Variants in CHRNA7 observed in about 807,000 individuals in gnomAD.
CHRNA7 encodes cholinergic receptor nicotinic alpha 7 subunit.
In CHRNA7, 17 loss-of-function variants were observed where a neutral mutation model predicts 48.0. The ratio of observed to expected loss-of-function variants is 0.35; its 90% confidence interval spans 0.24 to 0.53. The LOEUF is 0.53. Ranked by LOEUF, CHRNA7 falls within the 20% of genes least tolerant of loss-of-function variation. The probability of loss-of-function intolerance (pLI) is 0.92; values close to 1 mark genes in which losing one functional copy is unlikely to be tolerated. For synonymous variants in CHRNA7, 75 were observed against 242.3 expected (o/e 0.31, Z 6.41); for missense variants, 155 against 577.7 (o/e 0.27, Z 7.50).
At chr15:32,101,445 G>C in intron 3 of CHRNA7, 98 bp downstream of exon 3, 1 of 1,342,216 alleles carries the variant, frequency 7.5e-7, no homozygotes, top group Non-Finnish European at 1.0e-6. Context: ...GAGAGGTCCT[G>C]TTTAGGAAAA....
intron 4 of CHRNA7, among the ~76,000 whole-genome samples, chr15:32,148,064 C>G (rs560493728): frequency 6.6e-6 from 1 of 152,340 alleles, no homozygotes; most frequent in East Asian, 1.9e-4. Context: ...TTGCCCTTCT[C>G]TCTCTCAGTC....
rs114452978 is a variant in CHRNA7, at chr15:32,076,041, T to C, written c.196-25262T>C. Among the ~76,000 whole-genome samples the C allele has an allele frequency of 3.9e-3, 594 of 152,314 alleles. 3 individuals carry two copies. Among genetic ancestry groups the C allele is most frequent in the African/African-American group, 0.014 (566 of 41,584 alleles). Reference sequence around the variant, plus strand: ...GTTAATTTGATTCCAAATTATACTTTGTGTTATTTCAGTTATTCTACATTT... The same window carrying C: ...GTTAATTTGATTCCAAATTATACTTCGTGTTATTTCAGTTATTCTACATTT... On this transcript the variant is annotated intron_variant, in intron 2 of 9. Coordinates refer to ENST00000306901, the MANE Select transcript of CHRNA7 (RefSeq NM_000746.6).
chr15:32,163,316 G>A lies in CHRNA7; in HGVS notation c.971G>A (p.Gly324Glu), dbSNP rs780324480. The change falls in exon 9 of 10, where the codon GGG becomes GAG. Residue 324 changes from glycine to glutamate, a missense_variant. Gly to Glu is a moderately conservative substitution (Grantham distance 98). Transcript: ENST00000306901. Reference protein sequence around the residue: ...VLQYHHHDPDGGKMPKWTRVI... With the variant: ...VLQYHHHDPDEGKMPKWTRVI... ...CAGTACCACCACCACGACCCCGACG[G>A]GGGCAAGATGCCCAAGTGGGTACGT... The A allele has an allele frequency of 3.8e-6, 3 of 780,682 alleles. 1 individual carries two copies. The Admixed American group carries it at 7.5e-5, about 19-fold the overall frequency. The allele number at this position is 780,682 out of a possible 1,614,324, so 48.4% of individuals were successfully genotyped here. A position where few individuals can be genotyped will look rare whatever the true frequency, so the allele number is the denominator to read the frequency against.
chr15:32,035,156 C>A (rs534595712), intron 2 of CHRNA7, among the ~76,000 whole-genome samples: 1 of 152,300 alleles, frequency 6.6e-6, no homozygotes, highest in East Asian at 1.9e-4. Flanking sequence ...TAATTTACTT[C>A]CTGGGCTTGT....
Position 32,101,298 on chromosome 15 carries a change from T to C in CHRNA7, c.196-5T>C, listed in dbSNP as rs1361621201. The stretch of plus-strand genomic sequence containing the variant: ...TATGCTGCTGCTTTTTTTTTTTTTT[T>C]GAAGGATGAGAAGAACCAAGTTTTA... On this transcript the variant is annotated splice_region_variant and splice_polypyrimidine_tract_variant and intron_variant, in intron 2 of 9. Transcript: ENST00000306901. The C allele has an allele frequency of 1.3e-6, 2 of 1,587,814 alleles. No homozygotes were observed. The highest frequency in any genetic ancestry group is 2.8e-5 in the African/African-American group (2 of 72,460).
rs1056886126 is a variant in CHRNA7 at position 32,147,243 on chromosome 15, A to G, written c.351-6664A>G. ...ATGGCAACAACAGACACTGGAGACT[A>G]CTGTAGGGGGAAAGGAGAAGGGGGC... On this transcript the variant is annotated intron_variant, in intron 4 of 9. Transcript: ENST00000306901. 1.4e-4 allele frequency among the ~76,000 whole-genome samples: 22 copies of G among 152,308 alleles called. 1 individual carries two copies. In the East Asian group the frequency reaches 4.0e-3, roughly 28 times the overall value.
chr15:32,037,292 G>C (rs1902139234), intron 2 of CHRNA7, among the ~76,000 whole-genome samples: 1 of 152,114 alleles, frequency 6.6e-6, no homozygotes, highest in Admixed American at 6.5e-5. Context: ...CGATCTCTTT[G>C]TCTATTCTTT....
chr15:32,098,895 C>CACACACAG (rs1251702578), intron 2 of CHRNA7: 4 of 154,562 alleles, frequency 2.6e-5, no homozygotes, highest in African/African-American at 9.7e-5. Flanking sequence ...CACACACACA[C>CACACACAG]ACACACACAC....
At chr15:32,076,743 A>G (rs985240584) in intron 2 of CHRNA7, among the ~76,000 whole-genome samples, 6 of 152,170 alleles carry the variant, frequency 3.9e-5, no homozygotes, top group Non-Finnish European at 7.4e-5. Flanking sequence ...CCAGAGTGGT[A>G]CATTGTTACG....
At chr15:32,081,133 C>T (rs376916212) in intron 2 of CHRNA7, among the ~76,000 whole-genome samples, 2 of 152,172 alleles carry the variant, frequency 1.3e-5, no homozygotes, top group Admixed American at 1.3e-4. Flanking sequence ...ACACCAGGGC[C>T]TGTCGGGTGG....
intron 4 of CHRNA7, among the ~76,000 whole-genome samples, chr15:32,144,435 G>A (rs1398376206): frequency 6.6e-6 from 1 of 152,154 alleles, no homozygotes; most frequent in Non-Finnish European, 1.5e-5. Context: ...GGTGTTCTCT[G>A]TATTTCCTGA....
At chr15:32,120,463 G>A (rs893466769) in intron 4 of CHRNA7, among the ~76,000 whole-genome samples, 2 of 151,738 alleles carry the variant, frequency 1.3e-5, no homozygotes, top group African/African-American at 4.8e-5. Context: ...GCTGCTGTGG[G>A]GTTTACTGTC....
intron 2 of CHRNA7, among the ~76,000 whole-genome samples, chr15:32,076,354 CAATT>C (rs1237500252): frequency 1.3e-5 from 2 of 152,174 alleles, no homozygotes; most frequent in Non-Finnish European, 2.9e-5. Flanking sequence ...TGATGACACA[CAATT>C]AAGATTGCTG....
chr15:32,039,011 A>AGT (rs1264295392), intron 2 of CHRNA7, among the ~76,000 whole-genome samples: 1 of 152,132 alleles, frequency 6.6e-6, no homozygotes. Flanking sequence ...TCTTTCAAGG[A>AGT]GTAGTCCATT....
Position 32,032,587 on chromosome 15 carries a change from C to T in CHRNA7, c.195+1550C>T, listed in dbSNP as rs367953698. 1.2e-4 allele frequency among the ~76,000 whole-genome samples: 18 copies of T among 152,264 alleles called. No individual in the cohort carries two copies. The East Asian group carries it at 2.1e-3, about 18-fold the overall frequency. ...ACCAGGCAGCAGAGCTAACACACCC[C>T]GCAAGTGGTGTGTGACAGGGTGAGA... On this transcript the variant is annotated intron_variant, in intron 2 of 9. Coordinates refer to ENST00000306901, the MANE Select transcript of CHRNA7 (RefSeq NM_000746.6).
intron 4 of CHRNA7, among the ~76,000 whole-genome samples, chr15:32,136,764 G>T (rs1344145838): frequency 6.6e-6 from 1 of 152,044 alleles, no homozygotes; most frequent in African/African-American, 2.4e-5. Context: ...CGGCGCGGTG[G>T]CTGACGCCTG....
At chr15:32,095,325 A>T (rs1239995926) in intron 2 of CHRNA7, among the ~76,000 whole-genome samples, 1 of 152,194 alleles carries the variant, frequency 6.6e-6, no homozygotes, top group Non-Finnish European at 1.5e-5. Context: ...CCTTAACGTT[A>T]TTGAAGATCC....
chr15:32,056,471 T>C (rs1217300614), intron 2 of CHRNA7, among the ~76,000 whole-genome samples: 1 of 152,240 alleles, frequency 6.6e-6, no homozygotes, highest in Non-Finnish European at 1.5e-5. Context: ...ATTGTTTAAC[T>C]GTATCACATT....
intron 2 of CHRNA7, among the ~76,000 whole-genome samples, chr15:32,052,371 T>A (rs2049704312): frequency 6.6e-6 from 1 of 151,840 alleles, no homozygotes; most frequent in Non-Finnish European, 1.5e-5. Context: ...AAGTAGGGAG[T>A]GTAGTGGTGG....
Sources: gnomAD v4.1 joint callset for allele counts (sites outside exome capture counted in the v4.1 genomes callset) on GRCh38, gnomAD v4.1.1 for gene constraint, MANE v1.5 for transcripts, NCBI Gene and HGNC (gene_info 2026-07-23, HGNC 2026-07-21) for gene names.